GABRG3: variants seen among roughly 807,000 people sequenced by gnomAD.
GABRG3 encodes gamma-aminobutyric acid type A receptor subunit gamma3.
Under a neutral mutation model 48.8 loss-of-function variants are expected in GABRG3, and 25 were observed. That is an observed-to-expected ratio of 0.51 (90% CI 0.37 to 0.72). The LOEUF is 0.72. GABRG3 is among the 30% of genes least tolerant of loss of function. The probability of loss-of-function intolerance (pLI) is 0.00; values close to 1 mark genes in which losing one functional copy is unlikely to be tolerated. For synonymous variants in GABRG3, 227 were observed against 217.6 expected, an observed-to-expected ratio of 1.04 and a Z score of -0.38; for missense variants, 394 against 577.9, an observed-to-expected ratio of 0.68 and a Z score of 3.26.
At chr15:27,417,299 A>G (rs1887968100) in intron 5 of GABRG3, among the ~76,000 whole-genome samples, 1 of 152,138 alleles carries the variant, frequency 6.6e-6, no homozygotes, top group Admixed American at 6.5e-5. Context: ...TTCTTAGTTG[A>G]CGTTCTTGAG....
intron 3 of GABRG3, among the ~76,000 whole-genome samples, chr15:27,098,354 A>C (rs1046855216): frequency 3.9e-5 from 6 of 152,130 alleles, no homozygotes; most frequent in African/African-American, 1.4e-4. Flanking sequence ...GAATTGCTTG[A>C]ACCTGGGAGG....
At chr15:27,436,972 G>GGTGACAAA (rs202194396) in intron 5 of GABRG3, among the ~76,000 whole-genome samples, 16,283 of 144,542 alleles carry the variant, frequency 0.11, 1,320 homozygotes, top group East Asian at 0.34. Flanking sequence ...CTCCAGCCTG[G>GGTGACAAA]GTGAGACTCC....
At chr15:27,312,359 G>A (rs1482641943) in intron 3 of GABRG3, among the ~76,000 whole-genome samples, 1 of 152,036 alleles carries the variant, frequency 6.6e-6, no homozygotes, top group Non-Finnish European at 1.5e-5. Flanking sequence ...AGAAGAGAAA[G>A]AGAAACACCA....
chr15:27,274,914 AT>A (rs1246021250), intron 3 of GABRG3, among the ~76,000 whole-genome samples: 1 of 152,182 alleles, frequency 6.6e-6, no homozygotes, highest in East Asian at 1.9e-4. Context: ...TTTAATTTAA[AT>A]ATTGTGCATT....
chr15:27,168,748 C>T (rs1466532978), intron 3 of GABRG3, among the ~76,000 whole-genome samples: 1 of 152,184 alleles, frequency 6.6e-6, no homozygotes, highest in African/African-American at 2.4e-5. Context: ...GGAAGTGGGC[C>T]CTCACCAGAC....
chr15:27,426,477 C>T (rs11631307), intron 5 of GABRG3, among the ~76,000 whole-genome samples: 1,730 of 152,096 alleles, frequency 0.011, 13 homozygotes, highest in Non-Finnish European at 0.017. Context: ...CCATGAGGTA[C>T]GAAACACACG....
At chr15:27,389,766 AC>A (rs1896165492) in intron 5 of GABRG3, among the ~76,000 whole-genome samples, 1 of 152,228 alleles carries the variant, frequency 6.6e-6, no homozygotes. Flanking sequence ...TAACAAACCA[AC>A]CAAGTATTTG....
intron 2 of GABRG3, among the ~76,000 whole-genome samples, chr15:27,025,627 C>T (rs2140681503): frequency 6.6e-6 from 1 of 152,260 alleles, no homozygotes; most frequent in Non-Finnish European, 1.5e-5. Context: ...GGGATCGTTG[C>T]CCAGGGCACA....
intron 5 of GABRG3, among the ~76,000 whole-genome samples, chr15:27,440,241 A>G (rs892391284): frequency 7.9e-5 from 12 of 152,216 alleles, no homozygotes; most frequent in African/African-American, 2.7e-4. Flanking sequence ...TCCGCGTTGT[A>G]CATGGGAACA....
intron 3 of GABRG3, among the ~76,000 whole-genome samples, chr15:27,090,258 C>G (rs974290028): frequency 1.3e-5 from 2 of 152,158 alleles, no homozygotes; most frequent in Non-Finnish European, 2.9e-5. Flanking sequence ...TAATAAAGAG[C>G]TCTGAGCATG....
chr15:26,976,824 A>G lies in GABRG3; in HGVS notation c.54-178A>G, dbSNP rs112518534. Among the ~76,000 whole-genome samples, 796 of 152,246 alleles carry G rather than the reference A, an allele frequency of 5.2e-3. 9 individuals carry two copies. The highest frequency in any genetic ancestry group is 0.018 in the African/African-American group (746 of 41,524). On this transcript the variant is annotated intron_variant, in intron 1 of 9. Transcript: ENST00000615808. This position sits in a 1 kb window ranked among gnomAD's most constrained non-coding sequence, Gnocchi z 7.8. ...GCAGTAGCATTCTTCCTATGGAATC[A>G]TTCGTATTTTGTGTTTCTTTCTTTT...
chr15:27,540,819 C>T lies in GABRG3; in HGVS notation c.*7938C>T, dbSNP rs1213070352. ...GGAGCAAGAGGCCATCTTGTGTTTA[C>T]ATGCAGTGGTCTGTGTATTTGTGTC... On this transcript the variant is annotated 3_prime_UTR_variant, in exon 10 of 10. Coordinates refer to ENST00000615808, the MANE Select transcript of GABRG3 (RefSeq NM_033223.5). The T allele has an allele frequency of 1.3e-5, 2 of 152,194 alleles. No individual in the cohort carries two copies. 9.4% of individuals were successfully genotyped at this position (152,194 alleles called of 1,614,324 possible).
intron 2 of GABRG3, among the ~76,000 whole-genome samples, chr15:26,981,311 T>C (rs1480748573): frequency 6.6e-6 from 1 of 152,230 alleles, no homozygotes; most frequent in Non-Finnish European, 1.5e-5. Context: ...TACTTGCACA[T>C]ATTCCTATTA....
At chr15:27,055,819 A>G (rs187107664) in intron 3 of GABRG3, among the ~76,000 whole-genome samples, 1 of 152,366 alleles carries the variant, frequency 6.6e-6, no homozygotes, top group East Asian at 1.9e-4. Flanking sequence ...GAACAAAGCA[A>G]AAGCATTCTC....
chr15:27,412,406 T>G (rs558725350), intron 5 of GABRG3, among the ~76,000 whole-genome samples: 2 of 152,348 alleles, frequency 1.3e-5, no homozygotes, highest in South Asian at 2.1e-4. Context: ...ATTTTGGCAT[T>G]TCAACCATAT....
At chr15:27,298,722 A>G (rs927639655) in intron 3 of GABRG3, among the ~76,000 whole-genome samples, 10 of 151,834 alleles carry the variant, frequency 6.6e-5, no homozygotes, top group Admixed American at 1.3e-4. Flanking sequence ...GTTCTGGGGT[A>G]CATCTGCAGA....
At chr15:26,992,470 A>G (rs1895266460) in intron 2 of GABRG3, among the ~76,000 whole-genome samples, 1 of 152,190 alleles carries the variant, frequency 6.6e-6, no homozygotes, top group South Asian at 2.1e-4. Context: ...CTTTTTCAGC[A>G]TGAAGTGATC....
intron 6 of GABRG3, among the ~76,000 whole-genome samples, chr15:27,495,010 A>G (rs1890448481): frequency 6.6e-6 from 1 of 152,204 alleles, no homozygotes; most frequent in African/African-American, 2.4e-5. Flanking sequence ...GCTGTATCCC[A>G]CACAGTTTGA....
intron 5 of GABRG3, among the ~76,000 whole-genome samples, chr15:27,467,386 C>CCAT (rs75115611): frequency 0.039 from 5,936 of 152,252 alleles, 585 homozygotes; most frequent in East Asian, 0.38. Context: ...TAGTTACATG[C>CCAT]CATCTTCAGT....
Sources: allele counts gnomAD v4.1 joint callset (sites outside exome capture counted in the v4.1 genomes callset), GRCh38; gene constraint gnomAD v4.1.1; non-coding constraint Gnocchi (gnomAD v3.1); transcripts MANE v1.5; gene names NCBI Gene and HGNC (gene_info 2026-07-23, HGNC 2026-07-21).